Variants in ENOX1 observed in about 807,000 individuals in gnomAD.
The protein encoded by ENOX1 is ecto-NOX disulfide-thiol exchanger 1, also known as candidate growth-related and time keeping constitutive hydroquinone (NADH) oxidase.
In ENOX1, 42 loss-of-function variants were observed where a neutral mutation model predicts 82.5. That is an observed-to-expected ratio of 0.51 (90% confidence interval 0.40 to 0.66). ENOX1 has a LOEUF of 0.66. Among genes scored for constraint, ENOX1 ranks in the 30% least tolerant of loss-of-function variants. The probability of loss-of-function intolerance (pLI) is 0.00; values close to 1 mark genes in which losing one functional copy is unlikely to be tolerated. For synonymous variants in ENOX1, 271 were observed against 282.2 expected (o/e 0.96, Z 0.40); for missense variants, 608 against 811.6 (o/e 0.75, Z 3.05).
intron 1 of ENOX1, among the ~76,000 whole-genome samples, chr13:43,695,239 C>T (rs2086573939): frequency 6.8e-6 from 1 of 148,050 alleles, no homozygotes; most frequent in African/African-American, 2.6e-5. Flanking sequence ...AGAATAAGCT[C>T]ATATTTAAAA....
chr13:43,369,681 T>C (rs981420957), intron 5 of ENOX1, among the ~76,000 whole-genome samples: 8 of 152,250 alleles, frequency 5.3e-5, no homozygotes, highest in African/African-American at 1.7e-4. Flanking sequence ...TCTGTCTTCT[T>C]AGTTCTCCTC....
chr13:43,780,147 C>T (rs57660118), intron 1 of ENOX1, among the ~76,000 whole-genome samples: 10,729 of 146,800 alleles, frequency 0.073, 537 homozygotes, highest in African/African-American at 0.14. Context: ...GGCGACAGAG[C>T]GAGACTCTGT....
chr13:43,296,092 C>T (rs947929415), intron 12 of ENOX1, among the ~76,000 whole-genome samples: 1 of 152,176 alleles, frequency 6.6e-6, no homozygotes, highest in Non-Finnish European at 1.5e-5. Flanking sequence ...TTCATTCCCT[C>T]ATTTGACACA....
chr13:43,517,719 T>C (rs201674324), intron 2 of ENOX1, among the ~76,000 whole-genome samples: 1 of 152,160 alleles, frequency 6.6e-6, no homozygotes, highest in East Asian at 1.9e-4. Context: ...AAAATTCATA[T>C]GTTGAAATCC....
intron 5 of ENOX1, among the ~76,000 whole-genome samples, chr13:43,361,977 TAA>T (rs10716300): frequency 0.05 from 6,487 of 128,566 alleles, 458 homozygotes; most frequent in African/African-American, 0.17. Context: ...TCCCCTGGAA[TAA>T]AAAAAAAAAA....
At chr13:43,641,660 G>C (rs2083660509) in intron 2 of ENOX1, among the ~76,000 whole-genome samples, 1 of 141,922 alleles carries the variant, frequency 7.0e-6, no homozygotes, top group Non-Finnish European at 1.5e-5. Flanking sequence ...AGCCTCCCGA[G>C]TAGCTGGGAC....
chr13:43,729,314 T>C (rs1594597866), intron 1 of ENOX1, among the ~76,000 whole-genome samples: 2 of 152,214 alleles, frequency 1.3e-5, no homozygotes, highest in East Asian at 3.8e-4. Context: ...TATTAATTTC[T>C]ACTCTGCAAA....
At chr13:43,765,202 A>C (rs1309614362) in intron 1 of ENOX1, among the ~76,000 whole-genome samples, 1 of 152,192 alleles carries the variant, frequency 6.6e-6, no homozygotes. Flanking sequence ...GGAGAAAAAA[A>C]CTAAATAACA....
chr13:43,634,712 G>GT (rs2083347653), intron 2 of ENOX1, among the ~76,000 whole-genome samples: 1 of 152,146 alleles, frequency 6.6e-6, no homozygotes, highest in Admixed American at 6.5e-5. Context: ...CTACCAATAT[G>GT]TTTTTATCTT....
intron 9 of ENOX1, among the ~76,000 whole-genome samples, chr13:43,338,288 G>C (rs566113494): frequency 6.6e-6 from 1 of 152,262 alleles, no homozygotes; most frequent in South Asian, 2.1e-4. Flanking sequence ...ACTGAAAGTG[G>C]GCAGGCCTAT....
chr13:43,617,189 G>T (rs1202677199), intron 2 of ENOX1, among the ~76,000 whole-genome samples: 1 of 152,158 alleles, frequency 6.6e-6, no homozygotes, highest in Non-Finnish European at 1.5e-5. Context: ...TATTCCGTAT[G>T]TATGGTTATC....
intron 2 of ENOX1, among the ~76,000 whole-genome samples, chr13:43,583,890 A>T (rs1475108563): frequency 6.6e-6 from 1 of 151,996 alleles, no homozygotes; most frequent in Non-Finnish European, 1.5e-5. Context: ...TCCAAGCACA[A>T]ATCTTTCCAT....
chr13:43,379,428 A>T (rs2051875502), intron 5 of ENOX1, among the ~76,000 whole-genome samples: 1 of 152,118 alleles, frequency 6.6e-6, no homozygotes, highest in Admixed American at 6.5e-5. Flanking sequence ...CCATGTGTTC[A>T]AGAAGGCAGA....
At chr13:43,655,431 C>T (rs968968231) in intron 2 of ENOX1, among the ~76,000 whole-genome samples, 2 of 152,086 alleles carry the variant, frequency 1.3e-5, no homozygotes, top group Non-Finnish European at 1.5e-5. Context: ...CTGTCTATAA[C>T]TTACCTTTAT....
In ENOX1 at chr13:43,646,831, C is replaced by T. The variant is rs546433609; in HGVS notation, c.-219+20648G>A. Among the ~76,000 whole-genome samples the T allele has an allele frequency of 9.9e-5, 15 of 152,242 alleles. No homozygotes were observed. In the East Asian group the frequency reaches 1.4e-3, roughly 14 times the overall value. On this transcript the variant is annotated intron_variant, in intron 2 of 16. Coordinates refer to ENST00000690772, the MANE Select transcript of ENOX1 (RefSeq NM_001347969.2). ...AGATGGATACAACACTAGATAGTAA[C>T]GGGCAACGTTTACAGAGCACGTCTC...
chr13:43,451,466 T>G (rs2056961868), intron 3 of ENOX1, among the ~76,000 whole-genome samples: 1 of 152,178 alleles, frequency 6.6e-6, no homozygotes, highest in Admixed American at 6.5e-5. Context: ...GCCCATGAAC[T>G]TCAATAGTGG....
intron 3 of ENOX1, among the ~76,000 whole-genome samples, chr13:43,456,453 G>A (rs1337960087): frequency 8.6e-5 from 13 of 151,636 alleles, no homozygotes; most frequent in Admixed American, 8.5e-4. Context: ...CTTTTTCCTT[G>A]ACTGGCATCC....
chr13:43,627,165 A>G (rs886854904), intron 2 of ENOX1, among the ~76,000 whole-genome samples: 1 of 151,916 alleles, frequency 6.6e-6, no homozygotes, highest in East Asian at 1.9e-4. Context: ...TTCAATGTGC[A>G]TATGTCATTA....
intron 5 of ENOX1, among the ~76,000 whole-genome samples, chr13:43,397,870 T>C (rs2053248268): frequency 6.6e-6 from 1 of 152,234 alleles, no homozygotes; most frequent in South Asian, 2.1e-4. Flanking sequence ...AGGTAGCTTA[T>C]AAACAACAGA....
Sources: allele counts gnomAD v4.1 joint callset (sites outside exome capture counted in the v4.1 genomes callset), GRCh38; gene constraint gnomAD v4.1.1; transcripts MANE v1.5; gene names NCBI Gene and HGNC (gene_info 2026-07-23, HGNC 2026-07-21).